The following LAMC1 variants were observed in gnomAD, a reference collection of about 807,000 sequenced individuals.
The protein encoded by LAMC1 is laminin subunit gamma 1.
Under a neutral mutation model 173.6 loss-of-function variants are expected in LAMC1, and 38 were observed. The observed-to-expected ratio is 0.22, with a 90% CI of 0.17 to 0.29. The LOEUF (loss-of-function observed/expected upper bound fraction) is 0.29. Among genes scored for constraint, LAMC1 ranks in the 10% least tolerant of loss-of-function variants. LAMC1 has a pLI of 1.00. For synonymous variants in LAMC1, 746 were observed against 749.1 expected, an observed-to-expected ratio of 1.00 and a Z score of 0.07; for missense variants, 1,824 against 2,051.8, an observed-to-expected ratio of 0.89 and a Z score of 2.14.
intron 11 of LAMC1, among the ~76,000 whole-genome samples, chr1:183,120,824 T>G (rs943110629): frequency 4.7e-5 from 7 of 149,544 alleles, no homozygotes; most frequent in African/African-American, 1.7e-4. Context: ...AGAGTTTTTG[T>G]TTTTTGTTTT....
At chr1:183,062,444 G>A (rs1654765449) in intron 1 of LAMC1, among the ~76,000 whole-genome samples, 1 of 152,166 alleles carries the variant, frequency 6.6e-6, no homozygotes, top group Non-Finnish European at 1.5e-5. Flanking sequence ...CCTAAGGTCA[G>A]GAGTTCGAGA....
chr1:183,106,320 A>G (rs956815522), intron 2 of LAMC1, among the ~76,000 whole-genome samples: 5 of 152,258 alleles, frequency 3.3e-5, no homozygotes, highest in African/African-American at 1.2e-4. Flanking sequence ...TACATTACAG[A>G]TGACTAAAAG....
intron 1 of LAMC1, 125 bp from the exon 2 acceptor site, chr1:183,103,203 C>A: frequency 1.1e-6 from 1 of 892,250 alleles, no homozygotes; most frequent in Non-Finnish European, 1.7e-6. Flanking sequence ...AATAGCCTGT[C>A]TTCTTGGTTT....
intron 1 of LAMC1, among the ~76,000 whole-genome samples, chr1:183,059,363 A>G (rs188191502): frequency 6.6e-6 from 1 of 152,302 alleles, no homozygotes; most frequent in East Asian, 1.9e-4. Flanking sequence ...TTGCCCTGTT[A>G]TATACCAGCA....
At chr1:183,082,383 T>C (rs891993056) in intron 1 of LAMC1, among the ~76,000 whole-genome samples, 1 of 152,150 alleles carries the variant, frequency 6.6e-6, no homozygotes, top group Non-Finnish European at 1.5e-5. Context: ...TGAATGAGAG[T>C]AGTAATGCTT....
chr1:183,113,242 A>G (rs139975674), intron 4 of LAMC1, among the ~76,000 whole-genome samples: 228 of 152,320 alleles, frequency 1.5e-3, no homozygotes, highest in African/African-American at 4.6e-3. Context: ...ACGTGAGCTC[A>G]GGAATTTGAG....
intron 1 of LAMC1, among the ~76,000 whole-genome samples, chr1:183,054,649 T>C (rs1044500666): frequency 6.6e-6 from 1 of 152,216 alleles, no homozygotes; most frequent in African/African-American, 2.4e-5. Flanking sequence ...CAAGGTCGCT[T>C]CTCAGCCTGA....
chr1:183,033,655 A>G (rs867272531), intron 1 of LAMC1, among the ~76,000 whole-genome samples: 2 of 152,164 alleles, frequency 1.3e-5, no homozygotes, highest in South Asian at 2.1e-4. Context: ...TTTAGAAATA[A>G]AAAGTCTGAA....
Position 183,023,479 on chromosome 1 carries a change from T to G in LAMC1, c.-238T>G, listed in dbSNP as rs1571393049. The G allele has an allele frequency of 5.8e-5, 11 of 189,770 alleles. No individual in the cohort carries two copies. The highest frequency in any genetic ancestry group is 1.4e-4 in the East Asian group (1 of 7,118). The allele number at this position is 189,770 out of a possible 1,614,324, so 11.8% of individuals were successfully genotyped here. A position where few individuals can be genotyped will look rare whatever the true frequency, so the allele number is the denominator to read the frequency against. ...CGCGGAGTGCAGGCTGCTCCCGGGG[T>G]AGGTGAGGGAAGCGCGGAGGCGGCG... On this transcript the variant is annotated 5_prime_UTR_variant, in exon 1 of 28. Transcript: ENST00000258341.
At chr1:183,072,871 G>A (rs1051586100) in intron 1 of LAMC1, among the ~76,000 whole-genome samples, 1 of 152,206 alleles carries the variant, frequency 6.6e-6, no homozygotes, top group Non-Finnish European at 1.5e-5. Flanking sequence ...TCTAATGCCT[G>A]ATGATCTGTC....
At chr1:183,056,764 G>A (rs1015884514) in intron 1 of LAMC1, among the ~76,000 whole-genome samples, 3 of 152,124 alleles carry the variant, frequency 2.0e-5, no homozygotes, top group Non-Finnish European at 4.4e-5. Flanking sequence ...CCTATGTACC[G>A]TTTCTGTTTT....
At chr1:183,072,630 C>T (rs1053698514) in intron 1 of LAMC1, among the ~76,000 whole-genome samples, 10 of 152,176 alleles carry the variant, frequency 6.6e-5, no homozygotes, top group Admixed American at 1.3e-4. Context: ...CCCTGGGCCA[C>T]GAACCGGTAC....
In LAMC1 at chr1:183,110,618, A is replaced by G. The variant is rs1371832114; in HGVS notation, c.985A>G (p.Arg329Gly). 2.5e-6 allele frequency: 4 copies of G among 1,613,908 alleles called. No homozygotes were observed. The African/African-American group carries it at 4.0e-5, about 16-fold the overall frequency. ...CLPFFNDRPW[R>G]RATAESASEC... ...TCCTTTCTTCAATGACCGGCCGTGG[A>G]GGAGGGCAACTGCGGAAAGTGCCAG... Residue 329 changes from arginine to glycine, a missense_variant, in exon 4 of 28, where the codon AGG becomes GGG. Arg to Gly is a moderately radical substitution (Grantham distance 125). Coordinates refer to ENST00000258341, the MANE Select transcript of LAMC1 (RefSeq NM_002293.4).
intron 1 of LAMC1, among the ~76,000 whole-genome samples, chr1:183,091,530 T>A (rs1655566208): frequency 6.6e-6 from 1 of 152,120 alleles, no homozygotes; most frequent in South Asian, 2.1e-4. Flanking sequence ...CTAATTACTA[T>A]ATGAACATCT....
chr1:183,029,863 C>G (rs1050656344), intron 1 of LAMC1, among the ~76,000 whole-genome samples: 1 of 152,112 alleles, frequency 6.6e-6, no homozygotes, highest in Non-Finnish European at 1.5e-5. Flanking sequence ...AGCAACAATG[C>G]AAATTCCTGG....
At chr1:183,127,496 A>G in intron 17 of LAMC1, 92 bp downstream of exon 17, 1 of 1,183,240 alleles carries the variant, frequency 8.5e-7, no homozygotes. Flanking sequence ...AGTGGTGAAC[A>G]AGGTAGATGT....
intron 11 of LAMC1, among the ~76,000 whole-genome samples, chr1:183,118,931 C>T (rs1656394382): frequency 6.6e-6 from 1 of 151,682 alleles, no homozygotes; most frequent in South Asian, 2.1e-4. Context: ...CGGAGTCTTG[C>T]TCTGTCACCC....
intron 1 of LAMC1, among the ~76,000 whole-genome samples, chr1:183,095,437 C>A (rs960101660): frequency 1.3e-5 from 2 of 152,226 alleles, no homozygotes; most frequent in African/African-American, 4.8e-5. Context: ...TAGCTTCCCA[C>A]ACAATTATGG....
At position 183,143,921 on chromosome 1, in the gene LAMC1, G is replaced by A. The variant is rs552639222; in HGVS notation, c.*1131G>A. ...CTTCCAGAATCCCTCAAAAAACATT[G>A]TTTGCCAAATCCTGGTGGCAAATAC... On this transcript the variant is annotated 3_prime_UTR_variant, in exon 28 of 28. Transcript: ENST00000258341. 2.6e-5 allele frequency: 4 copies of A among 152,112 alleles called. No individual in the cohort carries two copies. Among genetic ancestry groups the A allele is most frequent in the Admixed American group, 6.5e-5 (1 of 15,296 alleles). The allele number at this position is 152,112 out of a possible 1,614,324, so 9.4% of individuals were successfully genotyped here.
Sources: allele counts gnomAD v4.1 joint callset (sites outside exome capture counted in the v4.1 genomes callset), GRCh38; gene constraint gnomAD v4.1.1; transcripts MANE v1.5; gene names NCBI Gene and HGNC (gene_info 2026-07-23, HGNC 2026-07-21).